TLN2: variants seen among roughly 807,000 people sequenced by gnomAD.
TLN2 encodes talin-2.
In TLN2, 118 loss-of-function variants were observed where a neutral mutation model predicts 294.7. The observed-to-expected ratio is 0.40, with a 90% CI of 0.34 to 0.47. The LOEUF is 0.47. Among genes scored for constraint, TLN2 ranks in the 20% least tolerant of loss-of-function variants. The pLI is 0.84. For missense variants in TLN2, 3,083 were observed against 3,282.2 expected (o/e 0.94, Z 1.48); for synonymous variants, 1,431 against 1,304.5 (o/e 1.10, Z -2.09).
At chr15:62,511,796 G>C (rs1303759329) in intron 1 of TLN2, among the ~76,000 whole-genome samples, 1 of 152,176 alleles carries the variant, frequency 6.6e-6, no homozygotes, top group East Asian at 1.9e-4. Context: ...TTTTGAGCTA[G>C]AGTGGAATGA....
intron 1 of TLN2, among the ~76,000 whole-genome samples, chr15:62,439,273 A>G (rs1257535002): frequency 6.6e-6 from 1 of 152,126 alleles, no homozygotes; most frequent in Non-Finnish European, 1.5e-5. Context: ...AAAACCTGTT[A>G]ATAGATTGAT....
intron 3 of TLN2, chr15:62,637,282 G>C (rs919985476): frequency 8.6e-5 from 13 of 151,924 alleles, no homozygotes; most frequent in African/African-American, 3.1e-4. Context: ...TCAATCATTT[G>C]AATAAGTTAA....
intron 57 of TLN2, among the ~76,000 whole-genome samples, chr15:62,836,720 T>C (rs2133091): frequency 0.35 from 53,146 of 152,024 alleles, 10,969 homozygotes; most frequent in African/African-American, 0.57. Flanking sequence ...ATATTTTAAA[T>C]ACAATAAAAG....
At chr15:62,595,177 T>C (rs1043858129) in intron 2 of TLN2, among the ~76,000 whole-genome samples, 4 of 152,106 alleles carry the variant, frequency 2.6e-5, no homozygotes, top group Non-Finnish European at 5.9e-5. Flanking sequence ...ATCCCAGCAC[T>C]TTGGGAGGCT....
intron 1 of TLN2, among the ~76,000 whole-genome samples, chr15:62,558,785 A>G (rs573112569): frequency 1.3e-5 from 2 of 152,282 alleles, no homozygotes; most frequent in East Asian, 1.9e-4. Flanking sequence ...ACGGCTAGTT[A>G]GCAAAGTTTG....
At chr15:62,730,463 C>T (rs1030882146) in intron 28 of TLN2, among the ~76,000 whole-genome samples, 2 of 152,182 alleles carry the variant, frequency 1.3e-5, no homozygotes, top group Non-Finnish European at 2.9e-5. Flanking sequence ...GTTCCTTCTG[C>T]GTCTCCAGGA....
In TLN2 at chr15:62,762,577, T is replaced by G. The variant is rs1567550194; in HGVS notation, c.4961+124T>G. 9 of 1,139,372 alleles carry G rather than the reference T, an allele frequency of 7.9e-6. No individual in the cohort carries two copies. In the East Asian group the frequency reaches 1.7e-4, roughly 22 times the overall value. 70.6% of individuals were successfully genotyped at this position (1,139,372 alleles called of 1,614,324 possible). On this transcript the variant is annotated intron_variant, in intron 39 of 58. Coordinates refer to ENST00000636159, the MANE Select transcript of TLN2 (RefSeq NM_015059.3). ...TCATTATCATCTTTTTCTTTTCTCT[T>G]TGGGGCCGGAAGCACTGGTCACAAT... is the stretch of plus-strand genomic sequence containing the variant.
chr15:62,499,966 CAAAATT>C (rs1270881458), intron 1 of TLN2, among the ~76,000 whole-genome samples: 1 of 151,996 alleles, frequency 6.6e-6, no homozygotes, highest in Admixed American at 6.6e-5. Flanking sequence ...AAAAAACAGT[CAAAATT>C]ACAATTCAGG....
intron 40 of TLN2, among the ~76,000 whole-genome samples, chr15:62,764,704 A>T (rs1032277777): frequency 4.6e-5 from 7 of 152,110 alleles, no homozygotes; most frequent in African/African-American, 1.7e-4. Context: ...CAGTGCTAGG[A>T]TTACAGAATC....
chr15:62,468,430 T>C (rs1236757079), intron 1 of TLN2, among the ~76,000 whole-genome samples: 1 of 152,126 alleles, frequency 6.6e-6, no homozygotes, highest in African/African-American at 2.4e-5. Flanking sequence ...CAGTTTTCAT[T>C]TCTGAAATTA....
rs1251509785 is a variant in TLN2 at position 62,814,787 on chromosome 15, C to T, written c.6772-4729C>T. On this transcript the variant is annotated intron_variant, in intron 52 of 58. Coordinates refer to ENST00000636159, the MANE Select transcript of TLN2 (RefSeq NM_015059.3). ...AAATTGTGGTGACATAGGTCATTGT[C>T]TTAGGTCTGCTGCCAAAAATAAATT... Among the ~76,000 whole-genome samples, 6 of 152,330 alleles carry T rather than the reference C, an allele frequency of 3.9e-5. No individual in the cohort carries two copies. The East Asian group carries it at 1.2e-3, about 29-fold the overall frequency.
intron 26 of TLN2, among the ~76,000 whole-genome samples, chr15:62,723,386 G>C (rs907019255): frequency 3.3e-5 from 5 of 152,130 alleles, no homozygotes; most frequent in African/African-American, 1.2e-4. Context: ...AGAATTTCTG[G>C]TTGTAGAGCC....
intron 1 of TLN2, among the ~76,000 whole-genome samples, chr15:62,530,044 AG>A (rs920903777): frequency 1.3e-5 from 2 of 152,158 alleles, no homozygotes; most frequent in African/African-American, 4.8e-5. Context: ...TACAAAAATT[AG>A]CCGGGCCTTG....
chr15:62,655,749 T>C (rs2053137576), intron 7 of TLN2, among the ~76,000 whole-genome samples, 195 bp from the exon 8 acceptor site: 1 of 152,210 alleles, frequency 6.6e-6, no homozygotes, highest in Non-Finnish European at 1.5e-5. Flanking sequence ...ATTTCCATTT[T>C]GGCTGGTCCT....
intron 1 of TLN2, among the ~76,000 whole-genome samples, chr15:62,408,567 G>T (rs1404545225): frequency 6.6e-6 from 1 of 152,194 alleles, no homozygotes; most frequent in Non-Finnish European, 1.5e-5. Context: ...CTAGCCTGTA[G>T]ATTCTAACCC....
chr15:62,770,156 C>T (rs1033526369), intron 41 of TLN2, among the ~76,000 whole-genome samples: 2 of 152,290 alleles, frequency 1.3e-5, no homozygotes, highest in East Asian at 3.9e-4. Flanking sequence ...ATGGAGCATG[C>T]GTCTCAACCC....
chr15:62,493,593 A>C (rs545842842), intron 1 of TLN2, among the ~76,000 whole-genome samples: 1 of 150,372 alleles, frequency 6.7e-6, no homozygotes, highest in South Asian at 2.1e-4. Context: ...AGCTGGCCCA[A>C]CACCATGGAG....
Position 62,748,383 on chromosome 15 carries a change from C to G in TLN2, c.4058C>G (p.Thr1353Ser), listed in dbSNP as rs117175127. The G allele has an allele frequency of 7.7e-4, 1,250 of 1,613,210 alleles. 2 individuals are homozygous for G. Among genetic ancestry groups the G allele is most frequent in the Non-Finnish European group, 1.0e-3 (1,210 of 1,179,924 alleles). Residue 1353 changes from threonine (T) to serine (S), a missense_variant, in exon 33 of 59, where the codon ACT (threonine) becomes AGT (serine). Transcript: ENST00000636159. ...ACAGAGAGCATCAATCAACTCATCA[C>G]TCTGTGTACCCAACAAGCTCCGGGC... The part of the protein sequence containing the change: ...AVTESINQLI[T>S]LCTQQAPGQK...
intron 1 of TLN2, among the ~76,000 whole-genome samples, chr15:62,424,106 G>A (rs1220798034): frequency 6.6e-6 from 1 of 152,052 alleles, no homozygotes; most frequent in African/African-American, 2.4e-5. Context: ...TCCATGCCTC[G>A]GTTTTTTTAT....
Sources: gnomAD v4.1 joint callset for allele counts (sites outside exome capture counted in the v4.1 genomes callset) on GRCh38, gnomAD v4.1.1 for gene constraint, MANE v1.5 for transcripts, NCBI Gene and HGNC (gene_info 2026-07-23, HGNC 2026-07-21) for gene names.